The following HUWE1 variants were observed in gnomAD, a reference collection of about 807,000 sequenced individuals.
HUWE1 encodes the protein HECT, UBA and WWE domain containing E3 ubiquitin protein ligase 1.
Under a neutral mutation model 299.4 loss-of-function variants are expected in HUWE1, and 18 were observed. The observed-to-expected ratio is 0.06, with a 90% CI of 0.04 to 0.09. The LOEUF is 0.09. Among genes scored for constraint, HUWE1 ranks in the 10% least tolerant of loss-of-function variants. The pLI is 1.00. For missense variants in HUWE1, 1,832 were observed against 3,462.3 expected (o/e 0.53, Z 11.82); for synonymous variants, 1,317 against 1,286.1 (o/e 1.02, Z -0.51).
At chrX:53,621,864 A>G (rs965935492) in intron 19 of HUWE1, among the ~76,000 whole-genome samples, 3 of 112,197 alleles carry the variant, frequency 2.7e-5, no homozygotes, top group Non-Finnish European at 5.6e-5. Flanking sequence ...ACAACTTGCT[A>G]CACTCTCTGG....
intron 54 of HUWE1, 53 bp from the exon 55 acceptor site, chrX:53,561,977 C>G: frequency 8.3e-7 from 1 of 1,211,272 alleles, no homozygotes; most frequent in Non-Finnish European, 1.1e-6. Context: ...TTTTCTGAAG[C>G]CTGGTGCCAT....
At chrX:53,574,116 C>T in intron 46 of HUWE1, 152 bp from the exon 47 acceptor site, 1 of 492,096 alleles carries the variant, frequency 2.0e-6, no homozygotes, top group Admixed American at 3.0e-5. Context: ...AGCAGAGAAC[C>T]AGGATAACTC....
chrX:53,561,241 T>C (rs782040318), intron 55 of HUWE1, among the ~76,000 whole-genome samples: 7 of 111,935 alleles, frequency 6.3e-5, no homozygotes, highest in Non-Finnish European at 1.1e-4. Context: ...AAGAACTCGA[T>C]TCTAACTTGA....
chrX:53,661,034 C>CTT lies in HUWE1; in HGVS notation c.-24-6905_-24-6904dup, dbSNP rs200048431. On this transcript the variant is annotated intron_variant, in intron 3 of 83. Coordinates refer to ENST00000262854, the MANE Select transcript of HUWE1 (RefSeq NM_031407.7). ...CCATGCTTTAATAACATGCGATTCACTTTTTTTTTTTTTTTTTTGAGATGG... is the reference window on the plus strand; with the variant it reads ...CCATGCTTTAATAACATGCGATTCACTTTTTTTTTTTTTTTTTTTTGAGATGG... 6.0e-4 allele frequency among the ~76,000 whole-genome samples: 58 copies of CTT among 96,888 alleles called. 2 individuals are homozygous for CTT. Among genetic ancestry groups the CTT allele is most frequent in the Non-Finnish European group, 8.7e-4 (42 of 48,003 alleles). The allele number at this position is 96,888 out of a possible 115,157, so 84.1% of individuals were successfully genotyped here. A position where few individuals can be genotyped will look rare whatever the true frequency, so the allele number is the denominator to read the frequency against.
At chrX:53,607,936 A>G (rs2065234237) in intron 24 of HUWE1, among the ~76,000 whole-genome samples, 1 of 111,732 alleles carries the variant, frequency 8.9e-6, no homozygotes, top group Admixed American at 9.5e-5. Context: ...ATATTTCGAG[A>G]TAACAGAGAA....
intron 43 of HUWE1, among the ~76,000 whole-genome samples, chrX:53,578,674 A>T (rs1312404622): frequency 1.6e-5 from 1 of 64,200 alleles, no homozygotes; most frequent in Non-Finnish European, 2.8e-5. Context: ...TCCGGGAGGG[A>T]GGTGGGGGGA....
At chrX:53,674,383 T>C (rs2069705067) in intron 3 of HUWE1, among the ~76,000 whole-genome samples, 1 of 111,528 alleles carries the variant, frequency 9.0e-6, no homozygotes, top group Admixed American at 9.5e-5. Context: ...AACTAGAAAA[T>C]GATAAAATGG....
intron 79 of HUWE1, 29 bp from the exon 80 acceptor site, chrX:53,536,281 G>C (rs980649233): frequency 8.7e-7 from 1 of 1,148,182 alleles, no homozygotes; most frequent in Non-Finnish European, 1.2e-6. Flanking sequence ...ACAGGGTCAT[G>C]GTTTGCGAGT....
chrX:53,631,505 G>C, intron 10 of HUWE1, 23 bp from the exon 11 acceptor site: 1 of 1,178,449 alleles, frequency 8.5e-7, no homozygotes, highest in Non-Finnish European at 1.2e-6. Flanking sequence ...AAAAGATATA[G>C]TTAGGAACAA....
rs2066689947 is a variant in HUWE1 at position 53,628,864 on chromosome X, A to G, written c.1002T>C (p.Ile334=). The change falls in exon 14 of 84, where the codon ATT becomes ATC. Residue 334 remains isoleucine, a synonymous_variant. Transcript: ENST00000262854. The stretch of plus-strand genomic sequence containing the variant: ...GTTTGGGAGTTCTCTCCAAGTGGAC[A>G]ATTGATGTTAATGTTCGTAAAGAAG... ...KAASLRTLTS[I]VHLERTPKLS... 2 of 1,207,901 alleles carry G rather than the reference A, an allele frequency of 1.7e-6. No individual in the cohort carries two copies. Among genetic ancestry groups the G allele is most frequent in the African/African-American group, 3.5e-5 (2 of 57,719 alleles).
At chrX:53,615,314 G>T (rs2065739238) in intron 22 of HUWE1, among the ~76,000 whole-genome samples, 1 of 107,022 alleles carries the variant, frequency 9.3e-6, no homozygotes, top group Admixed American at 1.0e-4. Context: ...TACAACCTCC[G>T]CCTCCCGAGT....
intron 3 of HUWE1, among the ~76,000 whole-genome samples, chrX:53,655,419 G>A (rs990902090): frequency 8.9e-6 from 1 of 111,836 alleles, no homozygotes; most frequent in Admixed American, 9.4e-5. Context: ...TTCAGAATAC[G>A]TTCTAAAACA....
In HUWE1 at chrX:53,651,086, A is replaced by G. The variant is rs2068428852; in HGVS notation, c.46-2776T>C. Among the ~76,000 whole-genome samples the G allele has an allele frequency of 2.7e-5, 3 of 111,189 alleles. No individual in the cohort carries two copies. In the South Asian group the frequency reaches 1.1e-3, roughly 42 times the overall value. On this transcript the variant is annotated intron_variant, in intron 4 of 83. Coordinates refer to ENST00000262854, the MANE Select transcript of HUWE1 (RefSeq NM_031407.7). ...TTCTCCTGATTTAGCTACTGAAAAT[A>G]TTAACTACACTGGGTTACAAATATT...
chrX:53,579,353 G>A (rs1419060976), intron 43 of HUWE1, among the ~76,000 whole-genome samples: 1 of 106,469 alleles, frequency 9.4e-6, no homozygotes, highest in South Asian at 4.4e-4. Context: ...CCGGCCAGCC[G>A]CCCCATCCGG....
chrX:53,598,055 T>C (rs1167873254), intron 29 of HUWE1, among the ~76,000 whole-genome samples: 1 of 111,725 alleles, frequency 9.0e-6, no homozygotes, highest in Non-Finnish European at 1.9e-5. Context: ...TTTCAGGATA[T>C]GAATCTCAGT....
At chrX:53,600,522 C>A (rs1479416371) in intron 28 of HUWE1, among the ~76,000 whole-genome samples, 2 of 112,504 alleles carry the variant, frequency 1.8e-5, no homozygotes, top group Non-Finnish European at 3.8e-5. Flanking sequence ...CAAATGACAG[C>A]ATATGAATAG....
At position 53,554,929 on chromosome X, in the gene HUWE1, G is replaced by A. The variant is rs782079109; in HGVS notation, c.8207-9C>T. On this transcript the variant is annotated splice_polypyrimidine_tract_variant and intron_variant, in intron 60 of 83. Transcript: ENST00000262854. Reference sequence around the variant, plus strand: ...AGGCATAGGCGTCCCATCTTTCTCGGAAAGAACAATAATAGTGGTTAAGGG... The same window carrying A: ...AGGCATAGGCGTCCCATCTTTCTCGAAAAGAACAATAATAGTGGTTAAGGG... 6.0e-6 allele frequency: 7 copies of A among 1,158,202 alleles called. No homozygotes were observed. The highest frequency in any genetic ancestry group is 3.6e-5 in the African/African-American group (2 of 55,562).
chrX:53,537,824 C>A (rs1251114062), intron 77 of HUWE1, 128 bp from the exon 78 acceptor site: 2 of 714,565 alleles, frequency 2.8e-6, no homozygotes, highest in Non-Finnish European at 4.1e-6. Context: ...TGCTCCACAC[C>A]TGTTTGGGAA....
intron 63 of HUWE1, 131 bp from the exon 64 acceptor site, chrX:53,551,611 C>G (rs2061767600): frequency 6.9e-6 from 4 of 575,776 alleles, no homozygotes; most frequent in Non-Finnish European, 1.1e-5. Context: ...CTCCTGGGCT[C>G]GAGTCTTCCT....
Sources: allele counts gnomAD v4.1 joint callset (sites outside exome capture counted in the v4.1 genomes callset), GRCh38; gene constraint gnomAD v4.1.1; transcripts MANE v1.5; gene names NCBI Gene and HGNC (gene_info 2026-07-23, HGNC 2026-07-21).